The following GALNT13 variants were observed in gnomAD, a reference collection of about 807,000 sequenced individuals.
GALNT13 encodes UDP-GalNAc:polypeptide N-acetylgalactosaminyltransferase 13.
In GALNT13, 28 loss-of-function variants were observed where a neutral mutation model predicts 64.2. The ratio of observed to expected loss-of-function variants is 0.44; its 90% CI spans 0.32 to 0.60. The LOEUF (loss-of-function observed/expected upper bound fraction) is 0.60, where lower values mean the gene tolerates loss of function less well. Among genes scored for constraint, GALNT13 ranks in the 20% least tolerant of loss-of-function variants. The pLI, the probability that GALNT13 is intolerant of heterozygous loss-of-function variation, is 0.05. For missense variants in GALNT13, 577 were observed against 669.8 expected, an observed-to-expected ratio of 0.86 and a Z score of 1.53; for synonymous variants, 214 against 224.6, an observed-to-expected ratio of 0.95 and a Z score of 0.42.
At chr2:153,596,217 A>G in the GALNT13 span, among the ~76,000 whole-genome samples, 1 of 152,202 alleles carries the variant, frequency 6.6e-6, no homozygotes, top group Non-Finnish European at 1.5e-5. Flanking sequence ...TCACAGAGGT[A>G]GAAGCTGCTA....
chr2:153,967,966 T>G (rs1693483832), intron 3 of GALNT13, among the ~76,000 whole-genome samples: 1 of 151,974 alleles, frequency 6.6e-6, no homozygotes, highest in Non-Finnish European at 1.5e-5. Context: ...GTACCCACGT[T>G]GCAAGACAAA....
At chr2:153,401,558 T>G in the GALNT13 span, among the ~76,000 whole-genome samples, 280 of 150,196 alleles carry the variant, frequency 1.9e-3, no homozygotes, top group Middle Eastern at 0.01. Context: ...TGTGTGGGAG[T>G]CTAAGTCTCT....
At chr2:153,137,813 A>G in the GALNT13 span, among the ~76,000 whole-genome samples, 1 of 151,470 alleles carries the variant, frequency 6.6e-6, no homozygotes, top group Non-Finnish European at 1.5e-5. Flanking sequence ...AAAGCCCTGG[A>G]CTCTGTAGGT....
intron 9 of GALNT13, among the ~76,000 whole-genome samples, chr2:154,391,597 A>G (rs1018679424): frequency 6.6e-6 from 1 of 152,202 alleles, no homozygotes; most frequent in Non-Finnish European, 1.5e-5. Flanking sequence ...TGCTTTTACC[A>G]GAGGGCAGAA....
the GALNT13 span, among the ~76,000 whole-genome samples, chr2:153,205,761 G>T: frequency 6.6e-6 from 1 of 151,940 alleles, no homozygotes; most frequent in South Asian, 2.1e-4. Context: ...TGCCCTGAAT[G>T]TTGATTTATG....
At chr2:153,405,321 G>T in the GALNT13 span, among the ~76,000 whole-genome samples, 1 of 152,174 alleles carries the variant, frequency 6.6e-6, no homozygotes, top group Admixed American at 6.5e-5. Flanking sequence ...CTGGCACCAG[G>T]ACTTAATTTA....
intron 3 of GALNT13, among the ~76,000 whole-genome samples, chr2:154,106,734 G>A (rs960910488): frequency 2.6e-5 from 4 of 151,736 alleles, no homozygotes; most frequent in Non-Finnish European, 4.4e-5. Context: ...ATTTCCAGAT[G>A]TTTTACTGTA....
the GALNT13 span, among the ~76,000 whole-genome samples, chr2:153,469,788 C>A: frequency 4.7e-4 from 72 of 152,138 alleles, no homozygotes; most frequent in African/African-American, 1.7e-3. Context: ...CAGAGCTTAA[C>A]TTTTTAACAT....
rs71396373 is a variant in GALNT13 at position 153,963,711 on chromosome 2, G to GTC, written c.142+19092_142+19093dup. Among the ~76,000 whole-genome samples, 967 of 127,100 alleles carry GTC rather than the reference G, an allele frequency of 7.6e-3. 12 individuals carry two copies. The highest frequency in any genetic ancestry group is 0.022 in the East Asian group (79 of 3,606). The allele number at this position is 127,100 out of a possible 152,430, so 83.4% of individuals were successfully genotyped here. On this transcript the variant is annotated intron_variant, in intron 3 of 12. Coordinates refer to ENST00000392825, the MANE Select transcript of GALNT13 (RefSeq NM_052917.4). ...AATTTCTCTCTCTCTCTGTCTCTCC[G>GTC]TCTCTCTCTCTCTCTCTCTCTGTGT...
chr2:154,108,507 A>T (rs1366670600), intron 3 of GALNT13, among the ~76,000 whole-genome samples: 1 of 152,080 alleles, frequency 6.6e-6, no homozygotes, highest in Non-Finnish European at 1.5e-5. Flanking sequence ...TCCTTCTCAG[A>T]TGTGTGCCTT....
the GALNT13 span, among the ~76,000 whole-genome samples, chr2:153,247,226 G>A: frequency 2.0e-5 from 3 of 152,030 alleles, no homozygotes; most frequent in African/African-American, 7.2e-5. Context: ...TAGGAAGATC[G>A]ACAAAACAGA....
chr2:153,357,778 G>A, the GALNT13 span, among the ~76,000 whole-genome samples: 660 of 152,146 alleles, frequency 4.3e-3, 2 homozygotes, highest in African/African-American at 0.015. Context: ...ATTTGTAAGC[G>A]TATTCATTAA....
At chr2:153,251,123 T>C in the GALNT13 span, among the ~76,000 whole-genome samples, 1 of 152,214 alleles carries the variant, frequency 6.6e-6, no homozygotes, top group Non-Finnish European at 1.5e-5. Context: ...TTGGCTTATT[T>C]AGTATAAAAA....
At chr2:153,093,399 T>A in the GALNT13 span, among the ~76,000 whole-genome samples, 2 of 151,846 alleles carry the variant, frequency 1.3e-5, no homozygotes, top group African/African-American at 4.8e-5. Context: ...CCACCATGCC[T>A]GGCTACTTTT....
At chr2:153,427,036 G>A in the GALNT13 span, among the ~76,000 whole-genome samples, 1 of 151,448 alleles carries the variant, frequency 6.6e-6, no homozygotes, top group Middle Eastern at 3.4e-3. Flanking sequence ...CAGACTACAA[G>A]GATAAATAAA....
chr2:153,911,446 C>T (rs766024615), intron 2 of GALNT13, among the ~76,000 whole-genome samples: 15 of 152,184 alleles, frequency 9.9e-5, no homozygotes, highest in Admixed American at 5.9e-4. Context: ...TTGACCCTGT[C>T]GCAGTGTTTT....
the GALNT13 span, among the ~76,000 whole-genome samples, chr2:153,458,568 C>T: frequency 2.6e-5 from 4 of 152,124 alleles, no homozygotes; most frequent in African/African-American, 9.7e-5. Context: ...ATTGATGATG[C>T]AACACTTCAC....
At chr2:153,838,430 T>A in the GALNT13 span, among the ~76,000 whole-genome samples, 2 of 152,006 alleles carry the variant, frequency 1.3e-5, no homozygotes, top group African/African-American at 4.8e-5. Context: ...TTGTATGTGG[T>A]GTAAGATAAG....
the GALNT13 span, among the ~76,000 whole-genome samples, chr2:153,566,416 G>A: frequency 6.8e-5 from 9 of 132,928 alleles, no homozygotes; most frequent in South Asian, 1.2e-3. Flanking sequence ...CTGCAGTGGC[G>A]CGATCTCAGC....
Sources: allele counts gnomAD v4.1 joint callset (sites outside exome capture counted in the v4.1 genomes callset), GRCh38; gene constraint gnomAD v4.1.1; transcripts MANE v1.5; gene names NCBI Gene and HGNC (gene_info 2026-07-23, HGNC 2026-07-21).